CALN1: variants seen among roughly 807,000 people sequenced by gnomAD.
The protein encoded by CALN1 is calneuron 1, also known as calcium-binding protein 8.
A neutral mutation model predicts 30.6 loss-of-function variants in CALN1; 17 were observed. The ratio of observed to expected loss-of-function variants is 0.56; its 90% CI spans 0.38 to 0.83. The LOEUF (loss-of-function observed/expected upper bound fraction) is 0.83. Ranked by LOEUF, CALN1 falls within the 40% of genes least tolerant of loss-of-function variation. The pLI is 0.00. For synonymous variants in CALN1, 156 were observed against 131.4 expected (o/e 1.19, Z -1.28); for missense variants, 291 against 354.9 (o/e 0.82, Z 1.45).
At chr7:72,287,984 T>C (rs1033837025) in intron 2 of CALN1, among the ~76,000 whole-genome samples, 1 of 152,136 alleles carries the variant, frequency 6.6e-6, no homozygotes, top group African/African-American at 2.4e-5. Flanking sequence ...TATATAATAG[T>C]TATTTATTGG....
intron 6 of CALN1, among the ~76,000 whole-genome samples, chr7:71,794,488 T>C (rs889325675): frequency 2.6e-5 from 4 of 152,194 alleles, no homozygotes; most frequent in African/African-American, 9.7e-5. Context: ...TGACTTCTTC[T>C]CCTAATTGCC....
chr7:72,196,926 G>C (rs1791052397), intron 3 of CALN1, among the ~76,000 whole-genome samples: 1 of 152,112 alleles, frequency 6.6e-6, no homozygotes. Context: ...CTTTGCTTAT[G>C]AACTTGGAGG....
chr7:72,404,759 A>T (rs945957839), intron 1 of CALN1, among the ~76,000 whole-genome samples: 1 of 152,218 alleles, frequency 6.6e-6, no homozygotes, highest in Non-Finnish European at 1.5e-5. Flanking sequence ...GGCTCAAAAA[A>T]TGACTGTAGA....
intron 3 of CALN1, among the ~76,000 whole-genome samples, chr7:72,209,877 C>G (rs569561826): frequency 1.2e-3 from 181 of 152,214 alleles, no homozygotes; most frequent in Non-Finnish European, 2.0e-3. Flanking sequence ...GCTGGTTATC[C>G]CACTTGGTGA....
intron 2 of CALN1, among the ~76,000 whole-genome samples, chr7:72,366,365 G>A (rs192449369): frequency 1.7e-4 from 26 of 151,936 alleles, no homozygotes; most frequent in African/African-American, 5.6e-4. Context: ...TAGTAGAGAT[G>A]GGGTTTCACC....
chr7:72,417,056 T>C (rs1387095231), upstream of CALN1, among the ~76,000 whole-genome samples: 1 of 152,232 alleles, frequency 6.6e-6, no homozygotes, highest in Non-Finnish European at 1.5e-5. Context: ...CCATAGAGCC[T>C]GAGTCTTCAT....
At chr7:72,432,861 T>C (rs183970017) in intron 1 of CALN1, among the ~76,000 whole-genome samples, 1 of 152,296 alleles carries the variant, frequency 6.6e-6, no homozygotes, top group Admixed American at 6.5e-5. Context: ...GAAATCGATC[T>C]GCCTCGGCAA....
At chr7:72,466,042 T>C in the CALN1 span, among the ~76,000 whole-genome samples, 2 of 152,150 alleles carry the variant, frequency 1.3e-5, no homozygotes, top group Non-Finnish European at 2.9e-5. Flanking sequence ...CAAGAGACTA[T>C]ATGCTTCTGC....
At chr7:72,055,556 T>G (rs1281154061) in intron 4 of CALN1, among the ~76,000 whole-genome samples, 2 of 151,920 alleles carry the variant, frequency 1.3e-5, no homozygotes. Context: ...AATTAACAAA[T>G]CTAACCCAGA....
intron 5 of CALN1, among the ~76,000 whole-genome samples, chr7:71,843,507 C>A (rs1790062896): frequency 6.6e-6 from 1 of 152,058 alleles, no homozygotes; most frequent in Admixed American, 6.6e-5. Context: ...CCTGGAGTCA[C>A]AGCTACTTGA....
intron 2 of CALN1, among the ~76,000 whole-genome samples, chr7:72,306,756 G>T (rs1271172144): frequency 6.6e-6 from 1 of 152,096 alleles, no homozygotes; most frequent in Non-Finnish European, 1.5e-5. Context: ...AAATGTATTT[G>T]ATTGATGTCT....
At chr7:72,255,980 G>A (rs577541338) in intron 3 of CALN1, among the ~76,000 whole-genome samples, 81 of 151,756 alleles carry the variant, frequency 5.3e-4, no homozygotes, top group African/African-American at 1.6e-3. Flanking sequence ...CACCCGCCTC[G>A]GCCTCCCAAG....
intron 2 of CALN1, 99 bp from the exon 3 acceptor site, chr7:72,278,909 C>A: frequency 6.8e-7 from 1 of 1,460,632 alleles, no homozygotes; most frequent in South Asian, 1.3e-5. Context: ...TGGCCAGTGT[C>A]ATTTTAAAAA....
chr7:72,372,440 C>T (rs998799547), intron 2 of CALN1, among the ~76,000 whole-genome samples: 1 of 152,052 alleles, frequency 6.6e-6, no homozygotes, highest in Non-Finnish European at 1.5e-5. Flanking sequence ...GCTGGAGAGC[C>T]AACAAAGGGA....
At chr7:72,419,883 T>G (rs919425128) in intron 1 of CALN1, among the ~76,000 whole-genome samples, 1 of 151,908 alleles carries the variant, frequency 6.6e-6, no homozygotes, top group African/African-American at 2.4e-5. Flanking sequence ...GATCACCTTC[T>G]CCCCACACCA....
intron 5 of CALN1, among the ~76,000 whole-genome samples, chr7:71,917,618 G>T (rs1417682093): frequency 2.0e-5 from 3 of 152,096 alleles, no homozygotes; most frequent in East Asian, 3.9e-4. Flanking sequence ...ATGGCGGAAG[G>T]CACCTCTCCA....
At chr7:72,035,075 A>G (rs1214322534) in intron 4 of CALN1, among the ~76,000 whole-genome samples, 2 of 152,312 alleles carry the variant, frequency 1.3e-5, no homozygotes, top group Admixed American at 6.5e-5. Flanking sequence ...ATAGTAGAGC[A>G]TGTTCTCATG....
chr7:71,850,866 T>TAC (rs1790597181), intron 5 of CALN1, among the ~76,000 whole-genome samples: 1 of 98,530 alleles, frequency 1.0e-5, no homozygotes, highest in Non-Finnish European at 1.9e-5. Flanking sequence ...GAGTACTCAA[T>TAC]ACATATTTGA....
intron 6 of CALN1, among the ~76,000 whole-genome samples, chr7:71,799,059 C>T (rs953049909): frequency 2.0e-5 from 3 of 152,128 alleles, no homozygotes; most frequent in Non-Finnish European, 4.4e-5. Flanking sequence ...CCAGCAGCAG[C>T]ACATGTTCAG....
Sources: allele counts gnomAD v4.1 joint callset (sites outside exome capture counted in the v4.1 genomes callset), GRCh38; gene constraint gnomAD v4.1.1; transcripts MANE v1.5; gene names NCBI Gene and HGNC (gene_info 2026-07-23, HGNC 2026-07-21).